The following COL13A1 variants were observed in gnomAD, a reference collection of about 807,000 sequenced individuals.
The protein encoded by COL13A1 is collagen alpha-1(XIII) chain.
In COL13A1, 89 loss-of-function variants were observed where a neutral mutation model predicts 130.9. The ratio of observed to expected loss-of-function variants is 0.68; its 90% confidence interval spans 0.57 to 0.81. COL13A1 has a LOEUF of 0.81. COL13A1 is among the 30% of genes least tolerant of loss of function. The probability of loss-of-function intolerance (pLI) is 0.00; values close to 1 mark genes in which losing one functional copy is unlikely to be tolerated. For missense variants in COL13A1, 879 were observed against 934.6 expected, an observed-to-expected ratio of 0.94 and a Z score of 0.78; for synonymous variants, 402 against 341.6, an observed-to-expected ratio of 1.18 and a Z score of -1.95.
chr10:69,958,800 C>T lies in COL13A1; in HGVS notation c.*99C>T. On this transcript the variant is annotated 3_prime_UTR_variant, in exon 41 of 41. Coordinates refer to ENST00000645393, the MANE Select transcript of COL13A1 (RefSeq NM_001368882.1). The stretch of plus-strand genomic sequence containing the variant: ...TGAAAATGCCAGAAGTATGATGCAT[C>T]TTACAGATTATTAAAAAAGAAAGAA... 6.8e-7 allele frequency: 1 copy of T among 1,477,334 alleles called. No individual in the cohort carries two copies. The highest frequency in any genetic ancestry group is 9.2e-7 in the Non-Finnish European group (1 of 1,085,046). 91.5% of individuals were successfully genotyped at this position (1,477,334 alleles called of 1,614,324 possible). A position where few individuals can be genotyped will look rare whatever the true frequency, so the allele number is the denominator to read the frequency against.
chr10:69,894,719 T>C lies in COL13A1; in HGVS notation c.657+18T>C. ...GAGAAAAGGTAAGAGCAGTGGAGGT[T>C]TCCTAGAGTCTCCATCTCAGGAAAT... On this transcript the variant is annotated intron_variant, in intron 12 of 40. Transcript: ENST00000645393. The C allele has an allele frequency of 6.2e-7, 1 of 1,613,846 alleles. No homozygotes were observed.
At chr10:69,948,515 C>A (rs2068897644) in intron 38 of COL13A1, among the ~76,000 whole-genome samples, 1 of 152,212 alleles carries the variant, frequency 6.6e-6, no homozygotes, top group Non-Finnish European at 1.5e-5. Context: ...AATAAACAGA[C>A]CTGCTTCCAG....
chr10:69,953,980 G>A (rs2136363139), intron 39 of COL13A1: 1 of 153,154 alleles, frequency 6.5e-6, no homozygotes, highest in Admixed American at 6.5e-5. Flanking sequence ...AGAAAGGGGA[G>A]CCGGGGTTAC....
chr10:69,906,253 T>C (rs1340200665), intron 17 of COL13A1, among the ~76,000 whole-genome samples: 1 of 152,248 alleles, frequency 6.6e-6, no homozygotes, highest in Admixed American at 6.5e-5. Flanking sequence ...TGGGCAGATG[T>C]ATCAGTTATC....
chr10:69,934,316 A>T (rs963052669), intron 31 of COL13A1, among the ~76,000 whole-genome samples: 11 of 152,256 alleles, frequency 7.2e-5, no homozygotes, highest in Non-Finnish European at 1.5e-4. Flanking sequence ...AAGAATTAAA[A>T]TGGTAAACTT....
chr10:69,958,398 T>C (rs1490221990), intron 40 of COL13A1, among the ~76,000 whole-genome samples: 2 of 152,164 alleles, frequency 1.3e-5, no homozygotes, highest in African/African-American at 4.8e-5. Flanking sequence ...CATTCACACC[T>C]TAAGTCCAAT....
chr10:69,897,595 C>A, intron 13 of COL13A1: 1 of 1,551,328 alleles, frequency 6.4e-7, no homozygotes, highest in Non-Finnish European at 8.9e-7. Flanking sequence ...ACATACAGCC[C>A]AACATTGCAC....
At chr10:69,815,751 A>T (rs767597128) in intron 1 of COL13A1, among the ~76,000 whole-genome samples, 2 of 152,206 alleles carry the variant, frequency 1.3e-5, no homozygotes, top group Non-Finnish European at 2.9e-5. Flanking sequence ...GTGAACAACC[A>T]ATATTTATTG....
intron 17 of COL13A1, among the ~76,000 whole-genome samples, chr10:69,913,942 G>A (rs562189233): frequency 1.3e-5 from 2 of 152,254 alleles, no homozygotes; most frequent in South Asian, 4.1e-4. Context: ...TTGACCCAGA[G>A]AGGAGGGAAG....
intron 7 of COL13A1, among the ~76,000 whole-genome samples, chr10:69,880,976 G>A (rs999706): frequency 0.25 from 37,745 of 152,158 alleles, 4,949 homozygotes; most frequent in East Asian, 0.48. Context: ...TGGTCTTGCC[G>A]GAGGGCCAGC....
At chr10:69,893,073 G>C (rs1291782137) in intron 10 of COL13A1, among the ~76,000 whole-genome samples, 1 of 152,208 alleles carries the variant, frequency 6.6e-6, no homozygotes, top group East Asian at 1.9e-4. Flanking sequence ...CTGCCAGGCC[G>C]AGCGCGGTGG....
chr10:69,956,358 T>C (rs1301569129), intron 39 of COL13A1: 1 of 152,432 alleles, frequency 6.6e-6, no homozygotes, highest in Non-Finnish European at 1.5e-5. Flanking sequence ...TCCCATGTTT[T>C]TACTGCACTT....
chr10:69,956,369 C>A (rs1440018515), intron 39 of COL13A1: 2 of 152,462 alleles, frequency 1.3e-5, no homozygotes, highest in African/African-American at 4.8e-5. Context: ...TACTGCACTT[C>A]ACCCCCAAAT....
chr10:69,840,681 AG>A (rs1045940394), intron 2 of COL13A1, among the ~76,000 whole-genome samples: 5 of 152,106 alleles, frequency 3.3e-5, no homozygotes, highest in African/African-American at 1.2e-4. Flanking sequence ...TTACCCTGAG[AG>A]GTGGTCCAGG....
intron 15 of COL13A1, among the ~76,000 whole-genome samples, chr10:69,904,712 G>A (rs2062562015): frequency 6.6e-6 from 1 of 152,130 alleles, no homozygotes; most frequent in African/African-American, 2.4e-5. Context: ...GCCCCCACAT[G>A]GCTGCAAAGA....
chr10:69,812,379 C>A (rs1446888140), intron 1 of COL13A1, among the ~76,000 whole-genome samples: 1 of 152,056 alleles, frequency 6.6e-6, no homozygotes, highest in East Asian at 1.9e-4. Context: ...TTAGGTTATA[C>A]CTCTGTAAAA....
At chr10:69,831,011 A>G (rs905531811) in intron 2 of COL13A1, among the ~76,000 whole-genome samples, 1 of 152,182 alleles carries the variant, frequency 6.6e-6, no homozygotes, top group African/African-American at 2.4e-5. Context: ...TCAGTACTTC[A>G]TTCCTTTTTA....
chr10:69,896,811 C>T (rs2061689556), intron 13 of COL13A1, among the ~76,000 whole-genome samples: 1 of 152,240 alleles, frequency 6.6e-6, no homozygotes, highest in South Asian at 2.1e-4. Context: ...AGAGCCACAG[C>T]CTGTCAGCGG....
At position 69,826,048 on chromosome 10, in the gene COL13A1, G is replaced by C. The variant is rs182782944; in HGVS notation, c.364+3610G>C. Among the ~76,000 whole-genome samples the C allele has an allele frequency of 1.9e-3, 282 of 152,320 alleles. 4 individuals are homozygous for C. Among genetic ancestry groups the C allele is most frequent in the African/African-American group, 6.6e-3 (274 of 41,574 alleles). On this transcript the variant is annotated intron_variant, in intron 2 of 40. Coordinates refer to ENST00000645393, the MANE Select transcript of COL13A1 (RefSeq NM_001368882.1). ...TATGGCCTGGTGGGATAGGAGAATG[G>C]TCTTGGGAACAGATATACATACCAT...
Sources: gnomAD v4.1 joint callset for allele counts (sites outside exome capture counted in the v4.1 genomes callset) on GRCh38, gnomAD v4.1.1 for gene constraint, MANE v1.5 for transcripts, NCBI Gene and HGNC (gene_info 2026-07-23, HGNC 2026-07-21) for gene names.